Variants in LIFR observed in about 807,000 individuals in gnomAD.
The protein encoded by LIFR is LIF receptor subunit alpha.
Under a neutral mutation model 122.2 loss-of-function variants are expected in LIFR, and 84 were observed. The ratio of observed to expected loss-of-function variants is 0.69; its 90% CI spans 0.58 to 0.82. LIFR has a LOEUF of 0.82. LIFR is among the 40% of genes least tolerant of loss of function. The pLI, the probability that LIFR is intolerant of heterozygous loss-of-function variation, is 0.00. For missense variants in LIFR, 1,294 were observed against 1,311.6 expected, an observed-to-expected ratio of 0.99 and a Z score of 0.21; for synonymous variants, 422 against 434.7, an observed-to-expected ratio of 0.97 and a Z score of 0.36.
intron 1 of LIFR, among the ~76,000 whole-genome samples, chr5:38,542,574 C>T (rs1747650040): frequency 6.6e-6 from 1 of 152,154 alleles, no homozygotes; most frequent in Non-Finnish European, 1.5e-5. Flanking sequence ...TCCTCCATGG[C>T]TCTCCCTGGC....
intron 1 of LIFR, among the ~76,000 whole-genome samples, chr5:38,540,339 GACCTGTC>G (rs1370800905): frequency 6.6e-6 from 1 of 152,178 alleles, no homozygotes; most frequent in Non-Finnish European, 1.5e-5. Flanking sequence ...GCTCTCCCCC[GACCTGTC>G]CGGTGAATAC....
chr5:38,528,292 T>C (rs1746799473), intron 3 of LIFR, among the ~76,000 whole-genome samples: 1 of 152,198 alleles, frequency 6.6e-6, no homozygotes, highest in African/African-American at 2.4e-5. Flanking sequence ...TTGTTTATTG[T>C]GACCTCCCAG....
At chr5:38,494,045 A>G (rs566258923) in intron 13 of LIFR, among the ~76,000 whole-genome samples, 77 of 152,316 alleles carry the variant, frequency 5.1e-4, no homozygotes, top group Non-Finnish European at 9.1e-4. Flanking sequence ...AGGATCAGGT[A>G]GTGACATACT....
In LIFR at chr5:38,502,795, T is replaced by A; in HGVS notation, c.1442A>T (p.Asn481Ile). The A allele has an allele frequency of 3.2e-6, 5 of 1,583,284 alleles. No individual in the cohort carries two copies. The highest frequency in any genetic ancestry group is 4.3e-6 in the Non-Finnish European group (5 of 1,155,128). ...ATTTTCTACTCCTTTGATTGTGACA[T>A]TCCGCTATTGGAAAACAAATAAATA... Reference protein sequence around the residue: ...KKSNSVQEQRNVTIKGVENSS... With the variant: ...KKSNSVQEQRIVTIKGVENSS... Residue 481 changes from asparagine to isoleucine, a missense_variant, in exon 11 of 20, where the codon AAT becomes ATT. By Grantham distance (149) the Asn-to-Ile change is moderately radical. Coordinates refer to ENST00000453190, the MANE Select transcript of LIFR (RefSeq NM_001127671.2).
intron 11 of LIFR, 87 bp downstream of exon 11, chr5:38,502,550 C>T: frequency 1.7e-6 from 2 of 1,160,058 alleles, no homozygotes; most frequent in Non-Finnish European, 2.6e-6. Context: ...TGACCCACTG[C>T]ACCCGGCCAA....
intron 1 of LIFR, among the ~76,000 whole-genome samples, chr5:38,587,120 C>G (rs1005904779): frequency 6.6e-6 from 1 of 152,054 alleles, no homozygotes; most frequent in Non-Finnish European, 1.5e-5. Context: ...GGACTACACC[C>G]TGGGAATACA....
At chr5:38,503,834 A>G (rs1745309548) in intron 10 of LIFR, 142 bp downstream of exon 10, 4 of 670,472 alleles carry the variant, frequency 6.0e-6, no homozygotes, top group Non-Finnish European at 1.1e-5. Context: ...CTGTTATTAC[A>G]TGGATAGTAA....
At chr5:38,558,287 G>T (rs949948433), upstream of LIFR, 2 of 152,136 alleles carry the variant, frequency 1.3e-5, no homozygotes, top group African/African-American at 4.8e-5. Flanking sequence ...TGGCCCTGTT[G>T]CCTGGGGTTG....
At chr5:38,485,356 A>C (rs1481815837) in intron 17 of LIFR, among the ~76,000 whole-genome samples, 1 of 152,200 alleles carries the variant, frequency 6.6e-6, no homozygotes, top group East Asian at 1.9e-4. Context: ...TCAGGGGTAG[A>C]GGATAAGCCT....
intron 1 of LIFR, among the ~76,000 whole-genome samples, chr5:38,568,223 GA>G (rs1749091759): frequency 6.6e-6 from 1 of 152,136 alleles, no homozygotes; most frequent in African/African-American, 2.4e-5. Flanking sequence ...AAGTGCTTTG[GA>G]AAAAAATTAA....
chr5:38,567,015 GCA>G (rs1749047389), intron 1 of LIFR, among the ~76,000 whole-genome samples: 1 of 152,126 alleles, frequency 6.6e-6, no homozygotes, highest in Non-Finnish European at 1.5e-5. Context: ...AACCTGCAGC[GCA>G]CAGTGTCAGA....
upstream of LIFR, among the ~76,000 whole-genome samples, chr5:38,598,586 G>A (rs150270102): frequency 2.0e-5 from 3 of 152,056 alleles, no homozygotes; most frequent in Non-Finnish European, 4.4e-5. Context: ...ACTGATAGCT[G>A]TTCCCAACCC....
Position 38,477,798 on chromosome 5 carries a change from C to T in LIFR, c.*3797G>A, listed in dbSNP as rs758363017. 4.6e-6 allele frequency: 1 copy of T among 218,154 alleles called. No individual in the cohort carries two copies. Among genetic ancestry groups the T allele is most frequent in the Non-Finnish European group, 9.2e-6 (1 of 108,228 alleles). The allele number at this position is 218,154 out of a possible 1,614,324, so 13.5% of individuals were successfully genotyped here. On this transcript the variant is annotated 3_prime_UTR_variant, in exon 20 of 20. Coordinates refer to ENST00000453190, the MANE Select transcript of LIFR (RefSeq NM_001127671.2). The stretch of plus-strand genomic sequence containing the variant: ...TCAAGAAAATTAGTTACTGAGCTTT[C>T]ACGATGTGCCTAGTCTTTGTAGCTA...
At chr5:38,512,397 T>C (rs1165958256) in intron 5 of LIFR, among the ~76,000 whole-genome samples, 1 of 151,366 alleles carries the variant, frequency 6.6e-6, no homozygotes, top group South Asian at 2.1e-4. Context: ...GACAGGCAGA[T>C]CCCTTGAGCC....
At chr5:38,565,945 C>T (rs770783256) in intron 1 of LIFR, among the ~76,000 whole-genome samples, 2 of 152,072 alleles carry the variant, frequency 1.3e-5, no homozygotes, top group Non-Finnish European at 2.9e-5. Context: ...AATACATATG[C>T]ATGCTAAGGA....
chr5:38,499,190 A>C (rs1020884170), intron 12 of LIFR, among the ~76,000 whole-genome samples: 39 of 152,328 alleles, frequency 2.6e-4, no homozygotes, highest in African/African-American at 9.4e-4. Context: ...ATAGAAAAAA[A>C]TATAACAAAC....
At chr5:38,531,495 A>C (rs1236571372) in intron 1 of LIFR, among the ~76,000 whole-genome samples, 1 of 152,080 alleles carries the variant, frequency 6.6e-6, no homozygotes, top group East Asian at 1.9e-4. Flanking sequence ...AAGAAAAAAA[A>C]AGAACCTAAA....
At chr5:38,515,290 T>C (rs933648556) in intron 5 of LIFR, among the ~76,000 whole-genome samples, 1 of 152,126 alleles carries the variant, frequency 6.6e-6, no homozygotes, top group Non-Finnish European at 1.5e-5. Context: ...TCAGTGTCTA[T>C]GTGAGCCTTC....
chr5:38,589,032 C>T (rs1162362241), intron 1 of LIFR, among the ~76,000 whole-genome samples: 2 of 141,682 alleles, frequency 1.4e-5, no homozygotes, highest in African/African-American at 5.3e-5. Context: ...GAGTCTCACT[C>T]TGTTGCCGAG....
Sources: gnomAD v4.1 joint callset for allele counts (sites outside exome capture counted in the v4.1 genomes callset) on GRCh38, gnomAD v4.1.1 for gene constraint, MANE v1.5 for transcripts, NCBI Gene and HGNC (gene_info 2026-07-23, HGNC 2026-07-21) for gene names.